The following LATS2 variants were observed in gnomAD, a reference collection of about 807,000 sequenced individuals.
LATS2 encodes the protein serine/threonine-protein kinase LATS2.
Under a neutral mutation model 76.0 loss-of-function variants are expected in LATS2, and 24 were observed. The observed-to-expected ratio is 0.32, with a 90% CI of 0.23 to 0.44. The LOEUF is 0.44. Among genes scored for constraint, LATS2 ranks in the 20% least tolerant of loss-of-function variants. The probability of loss-of-function intolerance (pLI) is 1.00; values close to 1 mark genes in which losing one functional copy is unlikely to be tolerated. For synonymous variants in LATS2, 692 were observed against 635.4 expected (o/e 1.09, Z -1.34); for missense variants, 1,286 against 1,481.2 (o/e 0.87, Z 2.16).
At chr13:21,005,554 C>T (rs924298438) in intron 2 of LATS2, 1 of 152,192 alleles carries the variant, frequency 6.6e-6, no homozygotes, top group Non-Finnish European at 1.5e-5. Context: ...ATGGGTAAGA[C>T]AAAGCCCTGT....
intron 2 of LATS2, among the ~76,000 whole-genome samples, chr13:20,997,277 C>T (rs1870798170): frequency 1.3e-5 from 2 of 152,324 alleles, no homozygotes; most frequent in South Asian, 4.1e-4. Flanking sequence ...AGGTATCTTT[C>T]CCAAGAGATT....
chr13:21,050,021 G>A (rs2138411935), intron 1 of LATS2, among the ~76,000 whole-genome samples: 1 of 152,140 alleles, frequency 6.6e-6, no homozygotes, highest in South Asian at 2.1e-4. Flanking sequence ...TCGGAAGGCT[G>A]AGGCAGGAGA....
chr13:21,043,868 C>A (rs1046319497), intron 2 of LATS2, among the ~76,000 whole-genome samples: 4 of 152,158 alleles, frequency 2.6e-5, no homozygotes, highest in Admixed American at 2.0e-4. Flanking sequence ...GGTTTGCCTC[C>A]TTTGTCTGCA....
intron 7 of LATS2, among the ~76,000 whole-genome samples, chr13:20,976,196 C>T (rs548165911): frequency 4.6e-5 from 7 of 152,248 alleles, no homozygotes; most frequent in African/African-American, 1.2e-4. Context: ...ATTGTTTACA[C>T]TTAGAATCAG....
At chr13:21,027,464 CA>C (rs1872350897) in intron 2 of LATS2, among the ~76,000 whole-genome samples, 1 of 152,160 alleles carries the variant, frequency 6.6e-6, no homozygotes, top group South Asian at 2.1e-4. Flanking sequence ...AAAAAACAAA[CA>C]AAAACCCTCA....
chr13:21,044,459 T>C (rs551801241), intron 2 of LATS2, among the ~76,000 whole-genome samples: 1 of 152,322 alleles, frequency 6.6e-6, no homozygotes, highest in African/African-American at 2.4e-5. Flanking sequence ...ATACTTAGCT[T>C]ATTTCCGCTT....
intron 2 of LATS2, among the ~76,000 whole-genome samples, chr13:21,007,195 T>C (rs1357073279): frequency 6.6e-6 from 1 of 152,080 alleles, no homozygotes; most frequent in East Asian, 1.9e-4. Flanking sequence ...GTTTAATTTT[T>C]AAGTTATATT....
At chr13:20,987,054 G>A (rs888914586) in intron 4 of LATS2, among the ~76,000 whole-genome samples, 5 of 152,118 alleles carry the variant, frequency 3.3e-5, no homozygotes, top group African/African-American at 1.2e-4. Context: ...AAATGGCCAG[G>A]CGTGGTGGTA....
In LATS2 at chr13:21,035,915, G is replaced by A. The variant is rs189579427; in HGVS notation, c.342+9770C>T. Among the ~76,000 whole-genome samples, 323 of 152,066 alleles carry A rather than the reference G, an allele frequency of 2.1e-3. 1 individual carries two copies. Among genetic ancestry groups the A allele is most frequent in the African/African-American group, 7.4e-3 (309 of 41,488 alleles). Reference sequence around the variant, plus strand: ...TCAAAAGCCCCCTTCCCCTTTTTTCGGGGAACAGAGTCTTGCTCTGTCGCC... The same window carrying A: ...TCAAAAGCCCCCTTCCCCTTTTTTCAGGGAACAGAGTCTTGCTCTGTCGCC... On this transcript the variant is annotated intron_variant, in intron 2 of 7. Transcript: ENST00000382592.
At chr13:21,021,563 T>C (rs1872067163) in intron 2 of LATS2, among the ~76,000 whole-genome samples, 1 of 150,836 alleles carries the variant, frequency 6.6e-6, no homozygotes, top group South Asian at 2.1e-4. Flanking sequence ...ACAAAACCCT[T>C]TGCCAAGTTC....
chr13:20,975,405 A>G (rs756359871), intron 7 of LATS2, 41 bp from the exon 8 acceptor site: 28 of 1,516,888 alleles, frequency 1.8e-5, no homozygotes, highest in Non-Finnish European at 2.4e-5. Context: ...TTCTCCTCAC[A>G]TCTTGGGCAG....
In LATS2 at chr13:21,004,056, C is replaced by T. The variant is rs141490734; in HGVS notation, c.343-12652G>A. ...AATCTCCCTGTGAGAAAAACATACG[C>T]CAATTTTAAAAAGCAGCACACAAAG... is the stretch of plus-strand genomic sequence containing the variant. On this transcript the variant is annotated intron_variant, in intron 2 of 7. Transcript: ENST00000382592. Among the ~76,000 whole-genome samples the T allele has an allele frequency of 6.5e-3, 991 of 152,240 alleles. 16 individuals are homozygous for T. The highest frequency in any genetic ancestry group is 0.023 in the African/African-American group (939 of 41,520).
rs1166754369 is a variant in LATS2, at chr13:20,991,229, C to T, written c.475+43G>A. On this transcript the variant is annotated intron_variant, in intron 3 of 7. Coordinates refer to ENST00000382592, the MANE Select transcript of LATS2 (RefSeq NM_014572.3). This position sits in a 1 kb window ranked among gnomAD's most constrained non-coding sequence, Gnocchi z 4.9. ...TGCACGTGGTTTTGTTGTCCTTAAG[C>T]CACAAACCATCTTTGCCCACTATGC... 1.2e-6 allele frequency: 2 copies of T among 1,612,038 alleles called. No individual in the cohort carries two copies. Among genetic ancestry groups the T allele is most frequent in the Non-Finnish European group, 1.7e-6 (2 of 1,178,962 alleles).
intron 2 of LATS2, among the ~76,000 whole-genome samples, chr13:21,004,173 G>A (rs1340766867): frequency 2.0e-5 from 3 of 152,068 alleles, no homozygotes; most frequent in Admixed American, 6.5e-5. Context: ...AGTGGCTCAC[G>A]CCTCACCAAC....
intron 1 of LATS2, among the ~76,000 whole-genome samples, chr13:21,054,289 T>A (rs1359565174): frequency 2.0e-5 from 3 of 151,992 alleles, no homozygotes; most frequent in African/African-American, 7.2e-5. Flanking sequence ...CAAAACCCTG[T>A]CTCTACTAAA....
At chr13:21,050,746 T>C (rs1206145344) in intron 1 of LATS2, among the ~76,000 whole-genome samples, 2 of 152,224 alleles carry the variant, frequency 1.3e-5, no homozygotes, top group African/African-American at 2.4e-5. Flanking sequence ...TTGCTTACCA[T>C]CGCCGTGCCA....
At chr13:20,992,359 C>T (rs1320372600) in intron 2 of LATS2, among the ~76,000 whole-genome samples, 2 of 152,168 alleles carry the variant, frequency 1.3e-5, no homozygotes, top group African/African-American at 4.8e-5. Flanking sequence ...ACGGCATCAG[C>T]AGGTCAGGCT....
chr13:21,042,988 A>C (rs76164814), intron 2 of LATS2, among the ~76,000 whole-genome samples: 9,611 of 123,806 alleles, frequency 0.078, 927 homozygotes, highest in East Asian at 0.52. Context: ...CGTCTCAAAA[A>C]AAAAACCAAA....
chr13:20,995,489 T>C (rs1421584088), intron 2 of LATS2, among the ~76,000 whole-genome samples: 4 of 152,208 alleles, frequency 2.6e-5, no homozygotes, highest in Admixed American at 6.5e-5. Context: ...AGTTCAGGTA[T>C]GTGTTCTGGT....
Sources: allele counts gnomAD v4.1 joint callset (sites outside exome capture counted in the v4.1 genomes callset), GRCh38; gene constraint gnomAD v4.1.1; non-coding constraint Gnocchi (gnomAD v3.1); transcripts MANE v1.5; gene names NCBI Gene and HGNC (gene_info 2026-07-23, HGNC 2026-07-21).